The following KDELR2 variants were observed in gnomAD, a reference collection of about 807,000 sequenced individuals.
The protein encoded by KDELR2 is KDEL endoplasmic reticulum protein retention receptor 2, also known as ER lumen protein-retaining receptor 2.
In KDELR2, 15 loss-of-function variants were observed where a neutral mutation model predicts 23.9. The observed-to-expected ratio is 0.63, with a 90% CI of 0.42 to 0.97. The LOEUF is 0.97. KDELR2 is among the 50% of genes least tolerant of loss of function. The pLI, the probability that KDELR2 is intolerant of heterozygous loss-of-function variation, is 0.00. For missense variants in KDELR2, 272 were observed against 254.6 expected (o/e 1.07, Z -0.46); for synonymous variants, 119 against 106.2 (o/e 1.12, Z -0.74).
chr7:6,478,865 T>C (rs888040652), intron 1 of KDELR2, among the ~76,000 whole-genome samples: 8 of 152,124 alleles, frequency 5.3e-5, no homozygotes. Context: ...CTCGGCTCAC[T>C]GCAACCTCTG....
At chr7:6,483,332 C>G (rs1205602801) in intron 1 of KDELR2, among the ~76,000 whole-genome samples, 1 of 149,592 alleles carries the variant, frequency 6.7e-6, no homozygotes, top group African/African-American at 2.4e-5. Flanking sequence ...TCTCGGCAAG[C>G]CCCTCCCCAG....
chr7:6,463,832 G>C (rs189574602), intron 4 of KDELR2, among the ~76,000 whole-genome samples: 56 of 151,408 alleles, frequency 3.7e-4, no homozygotes, highest in African/African-American at 1.3e-3. Context: ...AGGCAGAGGT[G>C]GGCGGATCTC....
chr7:6,483,616 G>A (rs577418710), intron 1 of KDELR2, among the ~76,000 whole-genome samples: 1 of 152,328 alleles, frequency 6.6e-6, no homozygotes, highest in African/African-American at 2.4e-5. Context: ...ATCCCGGCCG[G>A]AGAAGCGCCC....
At chr7:6,469,237 C>T (rs1785573382) in intron 3 of KDELR2, among the ~76,000 whole-genome samples, 1 of 152,132 alleles carries the variant, frequency 6.6e-6, no homozygotes, top group Non-Finnish European at 1.5e-5. Flanking sequence ...CAGGCGTGAG[C>T]CACTACGCCC....
chr7:6,468,227 A>G (rs1785543359), intron 3 of KDELR2, among the ~76,000 whole-genome samples: 1 of 152,230 alleles, frequency 6.6e-6, no homozygotes, highest in African/African-American at 2.4e-5. Context: ...ACATTGCACT[A>G]GAGTTTGCCA....
intron 1 of KDELR2, among the ~76,000 whole-genome samples, chr7:6,480,431 C>A (rs187736045): frequency 2.0e-5 from 3 of 152,298 alleles, no homozygotes; most frequent in Non-Finnish European, 2.9e-5. Flanking sequence ...CATGTTGACA[C>A]CCTTCTGTAA....
At chr7:6,474,032 C>T in intron 2 of KDELR2, 152 bp downstream of exon 2, 1 of 563,638 alleles carries the variant, frequency 1.8e-6, no homozygotes, top group Non-Finnish European at 3.1e-6. Context: ...GTTATATATA[C>T]AAGGTGGTCT....
rs1250340839 is a variant in KDELR2 at position 6,465,457 on chromosome 7, C to T, written c.604+614G>A. ...CTCGGCCTCCCAAAGTGCTCGATTA[C>T]AGGCGTGAGCCACTGCACCTGGCAT... On this transcript the variant is annotated intron_variant, in intron 4 of 4. Transcript: ENST00000258739. 2.0e-5 allele frequency among the ~76,000 whole-genome samples: 3 copies of T among 148,408 alleles called. No homozygotes were observed. The East Asian group carries it at 5.9e-4, about 29-fold the overall frequency.
chr7:6,472,005 A>G (rs1785656310), intron 2 of KDELR2, among the ~76,000 whole-genome samples: 1 of 151,870 alleles, frequency 6.6e-6, no homozygotes, highest in South Asian at 2.1e-4. Context: ...GGTTCAAGCA[A>G]TTCTCCTGCC....
chr7:6,484,107 G>C lies in KDELR2; in HGVS notation c.-50C>G. ...CGCAGCGCGGCGGCCCCGGGGCTGGGCGGCTCAGGAGGCGGCGGCCCCTGA... is the reference window on the plus strand; with the variant it reads ...CGCAGCGCGGCGGCCCCGGGGCTGGCCGGCTCAGGAGGCGGCGGCCCCTGA... On this transcript the variant is annotated 5_prime_UTR_variant, in exon 1 of 5. Transcript: ENST00000258739. The C allele has an allele frequency of 3.0e-6, 4 of 1,315,134 alleles. No individual in the cohort carries two copies. Among genetic ancestry groups the C allele is most frequent in the Non-Finnish European group, 2.9e-6 (3 of 1,021,838 alleles). The allele number at this position is 1,315,134 out of a possible 1,614,324, so 81.5% of individuals were successfully genotyped here.
At position 6,463,191 on chromosome 7, in the gene KDELR2, G is replaced by GAAGAA; in HGVS notation, c.605-21_605-17dup. 6.2e-7 allele frequency: 1 copy of GAAGAA among 1,600,788 alleles called. No homozygotes were observed. Among genetic ancestry groups the GAAGAA allele is most frequent in the Non-Finnish European group, 8.5e-7 (1 of 1,173,868 alleles). On this transcript the variant is annotated splice_polypyrimidine_tract_variant and intron_variant, in intron 4 of 4. Transcript: ENST00000258739. ...CCCTTGAGTACTAGAATTTCAAAGAGAAGAAAAGAAAACAAAAGGTTACTG... is the reference window on the plus strand; with the variant it reads ...CCCTTGAGTACTAGAATTTCAAAGAGAAGAAAAGAAAAGAAAACAAAAGGTTACTG...
chr7:6,477,101 GTC>G (rs1361221780), intron 1 of KDELR2, among the ~76,000 whole-genome samples: 1 of 152,240 alleles, frequency 6.6e-6, no homozygotes, highest in African/African-American at 2.4e-5. Context: ...GTCATACTGT[GTC>G]TCTGTGACTG....
chr7:6,479,078 C>T (rs942292877), intron 1 of KDELR2, among the ~76,000 whole-genome samples: 3 of 151,798 alleles, frequency 2.0e-5, no homozygotes, highest in African/African-American at 2.4e-5. Flanking sequence ...TGTAAGCCAC[C>T]GTGCTCGGCC....
At chr7:6,466,704 A>C (rs891587550) in intron 3 of KDELR2, among the ~76,000 whole-genome samples, 1 of 151,844 alleles carries the variant, frequency 6.6e-6, no homozygotes, top group Non-Finnish European at 1.5e-5. Context: ...AGATGGTCCT[A>C]TCTGGGGGTG....
chr7:6,468,612 T>C (rs1273507940), intron 3 of KDELR2, among the ~76,000 whole-genome samples: 1 of 152,122 alleles, frequency 6.6e-6, no homozygotes, highest in Non-Finnish European at 1.5e-5. Context: ...TTCACGCCAT[T>C]CTCCTGCCTC....
Position 6,474,354 on chromosome 7 carries a change from AG to A in KDELR2, c.92-71del, listed in dbSNP as rs1432546151. On this transcript the variant is annotated intron_variant, in intron 1 of 4. Transcript: ENST00000258739. The stretch of plus-strand genomic sequence containing the variant: ...GGGATTCCTGTGGATCACACTGTGC[AG>A]GGAGTGCAGACAGGGAAGGAGGGGT... 64 of 1,061,166 alleles carry A rather than the reference AG, an allele frequency of 6.0e-5. No homozygotes were observed. In the African/African-American group the frequency reaches 8.1e-4, roughly 13 times the overall value. 65.7% of individuals were successfully genotyped at this position (1,061,166 alleles called of 1,614,324 possible).
At chr7:6,472,843 A>G (rs1785679746) in intron 2 of KDELR2, among the ~76,000 whole-genome samples, 1 of 151,954 alleles carries the variant, frequency 6.6e-6, no homozygotes, top group Non-Finnish European at 1.5e-5. Context: ...TTGTAGAAAG[A>G]AGGAAAGAAA....
Position 6,461,825 on chromosome 7 carries a change from T to C in KDELR2, c.*1316A>G, listed in dbSNP as rs976659947. ...AAAACAAAGTCATATACTTTTGCATTAATCAAAAAATAGCAAATCCATATA... is the reference window on the plus strand; with the variant it reads ...AAAACAAAGTCATATACTTTTGCATCAATCAAAAAATAGCAAATCCATATA... On this transcript the variant is annotated 3_prime_UTR_variant, in exon 5 of 5. Coordinates refer to ENST00000258739, the MANE Select transcript of KDELR2 (RefSeq NM_006854.4). The C allele has an allele frequency of 1.1e-4, 16 of 152,100 alleles. No individual in the cohort carries two copies. Among genetic ancestry groups the C allele is most frequent in the African/African-American group, 3.9e-4 (16 of 41,408 alleles). 9.4% of individuals were successfully genotyped at this position (152,100 alleles called of 1,614,324 possible).
At chr7:6,473,855 G>A (rs766263235) in intron 2 of KDELR2, among the ~76,000 whole-genome samples, 3 of 152,214 alleles carry the variant, frequency 2.0e-5, no homozygotes, top group African/African-American at 4.8e-5. Context: ...AATTTCCCAC[G>A]GCTTGAAAAT....
Sources: allele counts gnomAD v4.1 joint callset (sites outside exome capture counted in the v4.1 genomes callset), GRCh38; gene constraint gnomAD v4.1.1; transcripts MANE v1.5; gene names NCBI Gene and HGNC (gene_info 2026-07-23, HGNC 2026-07-21).